The following ADH4 variants were observed in gnomAD, a reference collection of about 807,000 sequenced individuals.
The protein encoded by ADH4 is all-trans-retinol dehydrogenase [NAD(+)] ADH4.
A neutral mutation model predicts 35.2 loss-of-function variants in ADH4; 31 were observed. The observed-to-expected ratio is 0.88, with a 90% CI of 0.66 to 1.19. The LOEUF (loss-of-function observed/expected upper bound fraction) is 1.19. ADH4 is among the 50% of genes most tolerant of loss of function. The pLI is 0.00. For missense variants in ADH4, 476 were observed against 458.3 expected, an observed-to-expected ratio of 1.04 and a Z score of -0.35; for synonymous variants, 171 against 160.2, an observed-to-expected ratio of 1.07 and a Z score of -0.51.
intron 4 of ADH4, among the ~76,000 whole-genome samples, chr4:99,138,384 G>A (rs1729510280): frequency 6.6e-6 from 1 of 152,108 alleles, no homozygotes; most frequent in African/African-American, 2.4e-5. Context: ...CTTTCAATTA[G>A]TGTTAAGGAT....
intron 8 of ADH4, among the ~76,000 whole-genome samples, chr4:99,125,158 GCTT>G (rs1458786616): frequency 6.6e-6 from 1 of 152,138 alleles, no homozygotes; most frequent in Non-Finnish European, 1.5e-5. Flanking sequence ...CCACTTCCTT[GCTT>G]CTTTGCAGTT....
At chr4:99,126,527 C>T in intron 8 of ADH4, 67 bp downstream of exon 8, 1 of 1,492,876 alleles carries the variant, frequency 6.7e-7, no homozygotes. Flanking sequence ...TGCTTCTTAA[C>T]ATCAAAAAGA....
chr4:99,125,230 T>C (rs949879518), intron 8 of ADH4, among the ~76,000 whole-genome samples: 6 of 152,184 alleles, frequency 3.9e-5, no homozygotes, highest in Non-Finnish European at 8.8e-5. Context: ...TGGACACACC[T>C]GATGAGGCCC....
chr4:99,142,934 ATAT>A, intron 1 of ADH4, 154 bp from the exon 2 acceptor site: 1 of 613,946 alleles, frequency 1.6e-6, no homozygotes. Flanking sequence ...GATCTTATAG[ATAT>A]TATTTTAAAG....
At position 99,124,333 on chromosome 4, in the gene ADH4, A is replaced by T; in HGVS notation, c.*109T>A. The T allele has an allele frequency of 1.3e-6, 1 of 748,392 alleles. No homozygotes were observed. Among genetic ancestry groups the T allele is most frequent in the Admixed American group, 2.8e-5 (1 of 35,628 alleles). 46.4% of individuals were successfully genotyped at this position (748,392 alleles called of 1,614,324 possible). Reference sequence around the variant, plus strand: ...TCTTTTATGTTCCCATATTAAATGTAAATATTTGTTTAAACTCATGGCTTT... The same window carrying T: ...TCTTTTATGTTCCCATATTAAATGTTAATATTTGTTTAAACTCATGGCTTT... On this transcript the variant is annotated 3_prime_UTR_variant, in exon 9 of 9. Coordinates refer to ENST00000265512, the MANE Select transcript of ADH4 (RefSeq NM_000670.5).
At chr4:99,137,125 T>A (rs1301434508) in intron 4 of ADH4, among the ~76,000 whole-genome samples, 3 of 35,010 alleles carry the variant, frequency 8.6e-5, no homozygotes, top group Non-Finnish European at 2.0e-4. Flanking sequence ...AATTTTGTAT[T>A]ATTATTATTA....
chr4:99,138,981 AG>A, intron 4 of ADH4, 79 bp downstream of exon 4: 1 of 1,046,620 alleles, frequency 9.6e-7, no homozygotes, highest in South Asian at 1.5e-5. Flanking sequence ...CACCTCTTCA[AG>A]GCCATTTAGG....
At chr4:99,124,953 T>C (rs2851246) in intron 8 of ADH4, among the ~76,000 whole-genome samples, 119,882 of 151,934 alleles carry the variant, frequency 0.79, 47,967 homozygotes, top group East Asian at 1. Context: ...CAGAGCAGTC[T>C]TTATCTCAAA....
Position 99,126,668 on chromosome 4 carries a change from C to T in ADH4, c.1044G>A (p.Leu348=). Reference sequence around the variant, plus strand: ...GCAGGGTATGGGTCACCAGTGCATCCAGATTGAATTTCTTATTCTTATAGT... The same window carrying T: ...GCAGGGTATGGGTCACCAGTGCATCTAGATTGAATTTCTTATTCTTATAGT... ...VTDYKNKKFN[L]DALVTHTLPF... is the part of the protein sequence containing the mutation. Residue 348 remains leucine (L), a synonymous_variant, in exon 8 of 9, where the codon CTG becomes CTA. Transcript: ENST00000265512. The T allele has an allele frequency of 1.2e-6, 2 of 1,611,864 alleles. No individual in the cohort carries two copies. The highest frequency in any genetic ancestry group is 1.7e-6 in the Non-Finnish European group (2 of 1,178,362).
chr4:99,142,832 G>C, intron 1 of ADH4, 52 bp from the exon 2 acceptor site: 1 of 1,385,834 alleles, frequency 7.2e-7, no homozygotes, highest in Non-Finnish European at 9.9e-7. Flanking sequence ...GATTTTGACA[G>C]GGTTGGGGGT....
intron 3 of ADH4, among the ~76,000 whole-genome samples, chr4:99,141,323 A>G (rs1187793730): frequency 6.6e-6 from 1 of 152,228 alleles, no homozygotes; most frequent in Non-Finnish European, 1.5e-5. Flanking sequence ...ATGTGTAAAT[A>G]AAGTGACCAC....
At chr4:99,130,092 A>G (rs1037818447) in intron 6 of ADH4, among the ~76,000 whole-genome samples, 2 of 152,214 alleles carry the variant, frequency 1.3e-5, no homozygotes, top group Admixed American at 1.3e-4. Context: ...TTAAAAAAAT[A>G]GTGTTAAGGT....
In ADH4 at chr4:99,127,354, A is replaced by T; in HGVS notation, c.844-10T>A. The T allele has an allele frequency of 6.3e-7, 1 of 1,586,358 alleles. No homozygotes were observed. The highest frequency in any genetic ancestry group is 8.6e-7 in the Non-Finnish European group (1 of 1,167,236). ...AGTCCAGGGCTGCTTTCTGTGATGG[A>T]GCATAAAAGAATACTTGAGTCAGTG... On this transcript the variant is annotated splice_polypyrimidine_tract_variant and intron_variant, in intron 6 of 8. Transcript: ENST00000265512.
intron 6 of ADH4, among the ~76,000 whole-genome samples, chr4:99,129,115 G>A (rs900066999): frequency 6.6e-6 from 1 of 151,400 alleles, no homozygotes; most frequent in Admixed American, 6.6e-5. Context: ...TCTTATTAAA[G>A]AATAATTTTA....
intron 1 of ADH4, chr4:99,143,411 C>G (rs1199581498): frequency 9.9e-6 from 4 of 403,406 alleles, no homozygotes; most frequent in Non-Finnish European, 8.9e-6. Context: ...AAAATTTCAT[C>G]TAATTGTAAG....
chr4:99,137,920 T>A (rs929219327), intron 4 of ADH4, among the ~76,000 whole-genome samples: 3 of 145,316 alleles, frequency 2.1e-5, no homozygotes, highest in Middle Eastern at 3.4e-3. Context: ...ATAGATCCCT[T>A]CTCCCTCTCT....
intron 4 of ADH4, among the ~76,000 whole-genome samples, chr4:99,137,075 G>A (rs923316609): frequency 6.6e-6 from 1 of 151,448 alleles, no homozygotes; most frequent in Non-Finnish European, 1.5e-5. Flanking sequence ...TCAGCCTCCC[G>A]AGTAGCTGGG....
chr4:99,143,131 A>C (rs1441684370), intron 1 of ADH4: 2 of 701,528 alleles, frequency 2.9e-6, no homozygotes, highest in Admixed American at 4.0e-5. Flanking sequence ...ATAAAAATCT[A>C]TTGAGTGAAC....
At chr4:99,132,879 A>G (rs1160890357) in intron 5 of ADH4, among the ~76,000 whole-genome samples, 1 of 152,328 alleles carries the variant, frequency 6.6e-6, no homozygotes, top group African/African-American at 2.4e-5. Context: ...GTAAACTGCA[A>G]TATTTTCCTT....
Sources: gnomAD v4.1 joint callset for allele counts (sites outside exome capture counted in the v4.1 genomes callset) on GRCh38, gnomAD v4.1.1 for gene constraint, MANE v1.5 for transcripts, NCBI Gene and HGNC (gene_info 2026-07-23, HGNC 2026-07-21) for gene names.